The following NLN variants were observed in gnomAD, a reference collection of about 807,000 sequenced individuals.
NLN encodes neurolysin, mitochondrial.
NLN carries 64 observed loss-of-function variants against 79.9 expected under a neutral mutation model. The observed-to-expected ratio is 0.80, with a 90% CI of 0.65 to 0.99. The LOEUF (loss-of-function observed/expected upper bound fraction) is 0.99, where lower values mean the gene tolerates loss of function less well. Ranked by LOEUF, NLN falls within the 50% of genes least tolerant of loss-of-function variation. The probability of loss-of-function intolerance (pLI) is 0.00; values close to 1 mark genes in which losing one functional copy is unlikely to be tolerated. For missense variants in NLN, 835 were observed against 858.7 expected (o/e 0.97, Z 0.34); for synonymous variants, 267 against 296.6 (o/e 0.90, Z 1.02).
chr5:65,764,489 T>G (rs1350708729), intron 3 of NLN, among the ~76,000 whole-genome samples: 1 of 152,176 alleles, frequency 6.6e-6, no homozygotes, highest in East Asian at 1.9e-4. Flanking sequence ...ATCATGCCAC[T>G]GCACTCCAGC....
chr5:65,785,685 A>T, intron 6 of NLN, 90 bp from the exon 7 acceptor site: 1 of 1,034,834 alleles, frequency 9.7e-7, no homozygotes, highest in Non-Finnish European at 1.4e-6. Context: ...AATTTTACAA[A>T]CCTAAAAATA....
At chr5:65,777,290 A>C (rs1311528194) in intron 3 of NLN, 137 bp from the exon 4 acceptor site, 2 of 643,540 alleles carry the variant, frequency 3.1e-6, no homozygotes, top group African/African-American at 3.7e-5. Flanking sequence ...TTAGGTCTTC[A>C]ATAGGGCCTG....
rs553865455 is a variant in NLN at position 65,758,166 on chromosome 5, G to A, written c.42-401G>A. On this transcript the variant is annotated intron_variant, in intron 1 of 12. Coordinates refer to ENST00000380985, the MANE Select transcript of NLN (RefSeq NM_020726.5). The stretch of plus-strand genomic sequence containing the variant: ...TGGGAGAAACACTTGAGTCCATGAG[G>A]TCAAGGCTGCAATGAGCTATGATCA... Among the ~76,000 whole-genome samples the A allele has an allele frequency of 7.2e-4, 109 of 152,114 alleles. No homozygotes were observed. The Middle Eastern group carries it at 0.017, about 24-fold the overall frequency.
chr5:65,812,345 A>G lies in NLN; in HGVS notation c.1934A>G (p.Asp645Gly). 1 of 1,574,944 alleles carries G rather than the reference A, an allele frequency of 6.3e-7. No individual in the cohort carries two copies. The highest frequency in any genetic ancestry group is 8.7e-7 in the Non-Finnish European group (1 of 1,144,548). Reference sequence around the variant, plus strand: ...CTTTGGAGTGAAGTATTTTCCATGGATATGTTTTACAGCTGTTTTAAAAAA... The same window carrying G: ...CTTTGGAGTGAAGTATTTTCCATGGGTATGTTTTACAGCTGTTTTAAAAAA... The part of the protein sequence containing the change: ...GYLWSEVFSM[D>G]MFYSCFKKEG... Residue 645 changes from aspartate (D) to glycine (G), a missense_variant, in exon 12 of 13, where the codon GAT becomes GGT. Asp to Gly is a moderately conservative substitution (Grantham distance 94). Coordinates refer to ENST00000380985, the MANE Select transcript of NLN (RefSeq NM_020726.5).
At position 65,822,885 on chromosome 5, in the gene NLN, C is replaced by A. The variant is rs1760832655; in HGVS notation, c.2085C>A (p.Phe695Leu). The A allele has an allele frequency of 6.2e-7, 1 of 1,613,378 alleles. No homozygotes were observed. The highest frequency in any genetic ancestry group is 1.3e-5 in the African/African-American group (1 of 74,894). Reference protein sequence around the residue: ...FLKREPNQKAFLMSRGLHAP With the variant: ...FLKREPNQKALLMSRGLHAP ...AACGTGAGCCAAACCAAAAAGCGTT[C>A]CTAATGAGTAGAGGCCTGCATGCTC... The change falls in exon 13 of 13, where the codon TTC (phenylalanine) becomes TTA (leucine). Residue 695 changes from phenylalanine to leucine, a missense_variant. Coordinates refer to ENST00000380985, the MANE Select transcript of NLN (RefSeq NM_020726.5).
At chr5:65,798,478 A>G (rs539774976) in intron 9 of NLN, among the ~76,000 whole-genome samples, 95 of 152,332 alleles carry the variant, frequency 6.2e-4, no homozygotes, top group African/African-American at 2.2e-3. Context: ...CAAATGTGGA[A>G]TGAATGCATT....
In NLN at chr5:65,810,433, G is replaced by A. The variant is rs114721777; in HGVS notation, c.1843+268G>A. Among the ~76,000 whole-genome samples the A allele has an allele frequency of 3.2e-3, 480 of 152,312 alleles. 8 individuals are homozygous for A. Among genetic ancestry groups the A allele is most frequent in the African/African-American group, 0.011 (455 of 41,574 alleles). ...CGCCCCAGAGCTGGGAGAGCCATTC[G>A]TGTTGGCAGCACACTCTCAGCTCCT... On this transcript the variant is annotated intron_variant, in intron 11 of 12. Transcript: ENST00000380985.
At chr5:65,780,747 C>G (rs954540350) in intron 5 of NLN, among the ~76,000 whole-genome samples, 2 of 152,212 alleles carry the variant, frequency 1.3e-5, no homozygotes, top group Non-Finnish European at 2.9e-5. Flanking sequence ...AATCTCGCCT[C>G]ACTGCAACCT....
At position 65,816,533 on chromosome 5, in the gene NLN, G is replaced by A. The variant is rs868001934; in HGVS notation, c.1980+4142G>A. ...CTGTACTCGTACCCCGAACGTAAAA[G>A]TTAAAAAAAAAAAAAAGAAACAGAA... On this transcript the variant is annotated intron_variant, in intron 12 of 12. Coordinates refer to ENST00000380985, the MANE Select transcript of NLN (RefSeq NM_020726.5). 8.3e-4 allele frequency among the ~76,000 whole-genome samples: 120 copies of A among 145,444 alleles called. No individual in the cohort carries two copies. The Middle Eastern group carries it at 0.018, about 22-fold the overall frequency.
chr5:65,729,565 G>A (rs1237904957), intron 1 of NLN, among the ~76,000 whole-genome samples: 2 of 151,842 alleles, frequency 1.3e-5, no homozygotes, highest in African/African-American at 2.4e-5. Flanking sequence ...TAGCAGAGAC[G>A]GGGTTTTACC....
chr5:65,760,999 C>T (rs375288619), intron 2 of NLN, among the ~76,000 whole-genome samples: 2 of 152,104 alleles, frequency 1.3e-5, no homozygotes, highest in Admixed American at 6.5e-5. Flanking sequence ...CTAACTTTCT[C>T]TTATCTGGGC....
rs557106829 is a variant in NLN, at chr5:65,734,430, G to A, written c.41+12016G>A. Reference sequence around the variant, plus strand: ...TGACTTGGCATCAATAAAGCCTTCAGGGACCTGTTTCCTAGACTCAGAAAT... The same window carrying A: ...TGACTTGGCATCAATAAAGCCTTCAAGGACCTGTTTCCTAGACTCAGAAAT... On this transcript the variant is annotated intron_variant, in intron 1 of 12. Transcript: ENST00000380985. 4.3e-5 allele frequency among the ~76,000 whole-genome samples: 6 copies of A among 138,458 alleles called. 1 individual carries two copies. The South Asian group carries it at 6.7e-4, about 16-fold the overall frequency. The allele number at this position is 138,458 out of a possible 152,430, so 90.8% of individuals were successfully genotyped here.
intron 1 of NLN, among the ~76,000 whole-genome samples, chr5:65,755,928 T>G (rs40105): frequency 0.46 from 70,425 of 151,884 alleles, 16,898 homozygotes; most frequent in Non-Finnish European, 0.53. Context: ...TTGCCTAGGT[T>G]CACACTCTCT....
chr5:65,762,912 ATTTGACAAGTCCTG>A (rs1402961972), intron 2 of NLN, 34 bp from the exon 3 acceptor site: 3 of 1,587,708 alleles, frequency 1.9e-6, no homozygotes, highest in Non-Finnish European at 2.6e-6. Context: ...CTTAATACTG[ATTTGACAAGTCCTG>A]TTGTGTGGTG....
intron 3 of NLN, among the ~76,000 whole-genome samples, chr5:65,769,660 A>T (rs1481698704): frequency 6.6e-6 from 1 of 152,236 alleles, no homozygotes; most frequent in Non-Finnish European, 1.5e-5. Context: ...GTGTATGACT[A>T]CTAAGACTGC....
At chr5:65,771,552 C>T (rs549944596) in intron 3 of NLN, among the ~76,000 whole-genome samples, 20 of 152,116 alleles carry the variant, frequency 1.3e-4, no homozygotes, top group South Asian at 8.3e-4. Flanking sequence ...TTTTTTAGAG[C>T]GGCAGGCTTT....
chr5:65,769,885 T>C (rs1454138491), intron 3 of NLN, among the ~76,000 whole-genome samples: 1 of 152,224 alleles, frequency 6.6e-6, no homozygotes, highest in Non-Finnish European at 1.5e-5. Flanking sequence ...TTTGCACCTC[T>C]GGCAGAGTGC....
chr5:65,809,729 A>G, intron 10 of NLN, 28 bp downstream of exon 10: 1 of 1,493,796 alleles, frequency 6.7e-7, no homozygotes, highest in Middle Eastern at 1.8e-4. Flanking sequence ...AAAAAGGAAA[A>G]TAAATTAGAA....
intron 8 of NLN, among the ~76,000 whole-genome samples, chr5:65,791,481 C>A (rs1470463010): frequency 1.3e-5 from 2 of 152,132 alleles, no homozygotes; most frequent in Non-Finnish European, 2.9e-5. Context: ...TCATTTGAAC[C>A]CAGGAGGTGG....
Sources: allele counts gnomAD v4.1 joint callset (sites outside exome capture counted in the v4.1 genomes callset), GRCh38; gene constraint gnomAD v4.1.1; transcripts MANE v1.5; gene names NCBI Gene and HGNC (gene_info 2026-07-23, HGNC 2026-07-21).